The following SAMSN1 variants were observed in gnomAD, a reference collection of about 807,000 sequenced individuals.
SAMSN1 encodes the protein SAM domain, SH3 domain and nuclear localization signals 1.
Under a neutral mutation model 42.0 loss-of-function variants are expected in SAMSN1, and 31 were observed. That is an observed-to-expected ratio of 0.74 (90% CI 0.55 to 1.00). SAMSN1 has a LOEUF of 1.00. Among genes scored for constraint, SAMSN1 ranks in the 50% least tolerant of loss-of-function variants. SAMSN1 has a pLI of 0.00. For synonymous variants in SAMSN1, 178 were observed against 151.9 expected (o/e 1.17, Z -1.26); for missense variants, 464 against 439.4 (o/e 1.06, Z -0.50).
chr21:14,549,733 T>G (rs1980537861), upstream of SAMSN1, among the ~76,000 whole-genome samples: 1 of 152,134 alleles, frequency 6.6e-6, no homozygotes, highest in Non-Finnish European at 1.5e-5. Context: ...CCTGCAGAAT[T>G]TACTCATCTA....
intron 5 of SAMSN1, among the ~76,000 whole-genome samples, chr21:14,505,932 T>C (rs373990035): frequency 2.6e-5 from 4 of 152,166 alleles, no homozygotes; most frequent in Admixed American, 6.5e-5. Flanking sequence ...AACTGGAAAT[T>C]AACTGCAAAA....
intron 7 of SAMSN1, among the ~76,000 whole-genome samples, chr21:14,487,181 A>G (rs1007361164): frequency 4.6e-5 from 7 of 152,202 alleles, no homozygotes; most frequent in Admixed American, 3.9e-4. Flanking sequence ...TTGGGACAAG[A>G]ACTCTGCCTA....
intron 1 of SAMSN1, among the ~76,000 whole-genome samples, chr21:14,649,476 C>T (rs1038294444): frequency 1.6e-4 from 24 of 151,728 alleles, no homozygotes; most frequent in African/African-American, 5.1e-4. Flanking sequence ...TTAATTAAAG[C>T]ACATACAGAC....
chr21:14,581,724 G>A (rs1281244269), intron 2 of SAMSN1, among the ~76,000 whole-genome samples: 1 of 151,986 alleles, frequency 6.6e-6, no homozygotes, highest in Non-Finnish European at 1.5e-5. Flanking sequence ...GTTGATGTGA[G>A]ATTTAAATGA....
intron 2 of SAMSN1, among the ~76,000 whole-genome samples, chr21:14,616,972 A>G (rs1009248119): frequency 6.6e-6 from 1 of 152,114 alleles, no homozygotes; most frequent in Non-Finnish European, 1.5e-5. Context: ...TCTAATCTTT[A>G]TTTTGTTTGT....
chr21:14,586,562 T>C (rs1981924983), upstream of SAMSN1, among the ~76,000 whole-genome samples: 1 of 152,168 alleles, frequency 6.6e-6, no homozygotes, highest in South Asian at 2.1e-4. Flanking sequence ...ATCACAGTTT[T>C]TATCAAGTCT....
At position 14,490,547 on chromosome 21, in the gene SAMSN1, G is replaced by A. The variant is rs897841573; in HGVS notation, c.920-4433C>T. On this transcript the variant is annotated intron_variant, in intron 7 of 7. Transcript: ENST00000400566. Reference sequence around the variant, plus strand: ...GGAGGAAATTTTAGTGGACAACATGGCATGTCTCTCAGTTATTTTTTATTT... The same window carrying A: ...GGAGGAAATTTTAGTGGACAACATGACATGTCTCTCAGTTATTTTTTATTT... 5.3e-5 allele frequency among the ~76,000 whole-genome samples: 8 copies of A among 152,266 alleles called. No individual in the cohort carries two copies. The South Asian group carries it at 1.0e-3, about 20-fold the overall frequency.
chr21:14,581,233 C>T (rs1981705937), intron 2 of SAMSN1, among the ~76,000 whole-genome samples: 2 of 151,416 alleles, frequency 1.3e-5, no homozygotes, highest in Middle Eastern at 3.4e-3. Context: ...AAAAGCAAGA[C>T]CTAGGTTATA....
intron 1 of SAMSN1, among the ~76,000 whole-genome samples, chr21:14,655,946 A>G (rs904920623): frequency 3.3e-5 from 5 of 151,848 alleles, no homozygotes; most frequent in South Asian, 4.1e-4. Context: ...ATCAGCATCA[A>G]CAAACTTGGA....
chr21:14,653,748 C>A (rs943713537), intron 1 of SAMSN1, among the ~76,000 whole-genome samples: 3 of 151,910 alleles, frequency 2.0e-5, no homozygotes, highest in East Asian at 3.9e-4. Context: ...TGTATCAAAT[C>A]ATCTCATGTA....
intron 1 of SAMSN1, among the ~76,000 whole-genome samples, chr21:14,651,045 C>T (rs1983826469): frequency 6.6e-6 from 1 of 151,748 alleles, no homozygotes; most frequent in Admixed American, 6.6e-5. Context: ...AAGAAATCTC[C>T]CACTAAAGAA....
intron 6 of SAMSN1, among the ~76,000 whole-genome samples, chr21:14,598,545 C>T (rs1393544754): frequency 6.6e-6 from 1 of 152,124 alleles, no homozygotes; most frequent in East Asian, 1.9e-4. Context: ...CCTGGTTCTC[C>T]AGGAAGTTTA....
intron 1 of SAMSN1, among the ~76,000 whole-genome samples, chr21:14,540,745 A>C (rs572351232): frequency 6.6e-6 from 1 of 152,200 alleles, no homozygotes; most frequent in Non-Finnish European, 1.5e-5. Flanking sequence ...AGGATCTAGA[A>C]CTAGTAATTC....
chr21:14,550,867 A>G (rs771132324), upstream of SAMSN1, among the ~76,000 whole-genome samples: 2 of 152,156 alleles, frequency 1.3e-5, no homozygotes, highest in Non-Finnish European at 1.5e-5. Context: ...CATGGAGATG[A>G]ACATATCATG....
At chr21:14,511,355 G>T (rs1987680587) in intron 4 of SAMSN1, among the ~76,000 whole-genome samples, 1 of 152,130 alleles carries the variant, frequency 6.6e-6, no homozygotes, top group Admixed American at 6.5e-5. Flanking sequence ...CCAGACCAGG[G>T]CTTTTCGCAG....
At chr21:14,579,082 A>G (rs1600941818) in intron 2 of SAMSN1, among the ~76,000 whole-genome samples, 1 of 152,362 alleles carries the variant, frequency 6.6e-6, no homozygotes, top group East Asian at 1.9e-4. Context: ...TTGTTGTTAT[A>G]GAATATATGT....
chr21:14,487,795 G>T (rs1986500609), intron 7 of SAMSN1, among the ~76,000 whole-genome samples: 1 of 151,996 alleles, frequency 6.6e-6, no homozygotes, highest in South Asian at 2.1e-4. Flanking sequence ...TCAAATATCA[G>T]GTATTTGCCT....
chr21:14,570,239 A>C (rs892824559), intron 2 of SAMSN1, among the ~76,000 whole-genome samples: 5 of 152,202 alleles, frequency 3.3e-5, no homozygotes, highest in African/African-American at 1.2e-4. Context: ...GTTCATTTCA[A>C]TCACCACAAA....
chr21:14,514,173 T>C (rs941774105), intron 3 of SAMSN1, among the ~76,000 whole-genome samples: 4 of 152,230 alleles, frequency 2.6e-5, no homozygotes, highest in African/African-American at 9.6e-5. Flanking sequence ...GCTTTCTCAG[T>C]ATTCTGCTGA....
Sources: allele counts gnomAD v4.1 joint callset (sites outside exome capture counted in the v4.1 genomes callset), GRCh38; gene constraint gnomAD v4.1.1; transcripts MANE v1.5; gene names NCBI Gene and HGNC (gene_info 2026-07-23, HGNC 2026-07-21).